The following SLC9C2 variants were observed in gnomAD, a reference collection of about 807,000 sequenced individuals.
SLC9C2 encodes sodium/hydrogen exchanger 11.
A neutral mutation model predicts 140.2 loss-of-function variants in SLC9C2; 75 were observed. The ratio of observed to expected loss-of-function variants is 0.53; its 90% CI spans 0.44 to 0.65. The LOEUF is 0.65. Among genes scored for constraint, SLC9C2 ranks in the 30% least tolerant of loss-of-function variants. The pLI, the probability that SLC9C2 is intolerant of heterozygous loss-of-function variation, is 0.00. For missense variants in SLC9C2, 1,074 were observed against 1,331.8 expected (o/e 0.81, Z 3.01); for synonymous variants, 375 against 420.9 (o/e 0.89, Z 1.34).
rs374687815 is a variant in SLC9C2, at chr1:173,524,625, G to A, written c.2514+154C>T. ...CAAATGGAGTGTACCGGATTGCATC[G>A]GCATTCGTTGTCCTTTGCATTATCA... On this transcript the variant is annotated intron_variant, in intron 20 of 27. Coordinates refer to ENST00000367714, the MANE Select transcript of SLC9C2 (RefSeq NM_178527.4). Among the ~76,000 whole-genome samples the A allele has an allele frequency of 2.8e-4, 42 of 152,208 alleles. No individual in the cohort carries two copies. The South Asian group carries it at 7.7e-3, about 28-fold the overall frequency.
chr1:173,550,709 T>C (rs975484430), intron 11 of SLC9C2, among the ~76,000 whole-genome samples: 17 of 151,458 alleles, frequency 1.1e-4, no homozygotes, highest in Middle Eastern at 3.5e-3. Context: ...AGTGTTGAGA[T>C]TACAGGCGTG....
intron 23 of SLC9C2, among the ~76,000 whole-genome samples, chr1:173,515,150 G>A (rs1042653041): frequency 3.3e-5 from 5 of 152,038 alleles, no homozygotes; most frequent in African/African-American, 7.2e-5. Flanking sequence ...TCTTCTCATG[G>A]AGTATCTTAG....
In SLC9C2 at chr1:173,509,698, G is replaced by T; in HGVS notation, c.2909C>A (p.Ala970Asp). 3 of 1,584,218 alleles carry T rather than the reference G, an allele frequency of 1.9e-6. No individual in the cohort carries two copies. Among genetic ancestry groups the T allele is most frequent in the Non-Finnish European group, 1.7e-6 (2 of 1,171,844 alleles). ...TAAATCCTCCAGGGAGATAAAGCAG[G>T]CCTGAAACAAAAAGGAACCAGGCCA... ...YTVICETSLQ[A>D]CFISLEDLYE... The change falls in exon 24 of 28, where the codon GCC (alanine) becomes GAC (aspartate). Residue 970 changes from alanine to aspartate, a missense_variant and splice_region_variant. Physicochemically the swap from Ala to Asp is moderately radical, Grantham distance 126. Transcript: ENST00000367714.
At chr1:173,515,521 G>T (rs1178739813) in intron 23 of SLC9C2, among the ~76,000 whole-genome samples, 1 of 152,144 alleles carries the variant, frequency 6.6e-6, no homozygotes, top group East Asian at 1.9e-4. Context: ...GGTCATCTAT[G>T]TTCCTTTCTA....
At chr1:173,588,190 A>G (rs905479136) in intron 4 of SLC9C2, among the ~76,000 whole-genome samples, 2 of 152,182 alleles carry the variant, frequency 1.3e-5, no homozygotes, top group Non-Finnish European at 2.9e-5. Context: ...TGTCTGGTAC[A>G]TGACACAAAT....
intron 8 of SLC9C2, among the ~76,000 whole-genome samples, chr1:173,574,757 G>A (rs763638621): frequency 3.3e-5 from 5 of 151,920 alleles, no homozygotes; most frequent in Admixed American, 6.6e-5. Flanking sequence ...TGATTCGCCC[G>A]TCTTGGCCTC....
At chr1:173,509,781 TTTAACCTTCAGAAAAAC>T in intron 23 of SLC9C2, 82 bp from the exon 24 acceptor site, 1 of 1,395,318 alleles carries the variant, frequency 7.2e-7, no homozygotes, top group Non-Finnish European at 9.7e-7. Context: ...TGCCTGCAGA[TTTAACCTTCAGAAAAAC>T]TATCAATTCT....
chr1:173,580,317 A>T (rs1488736074), intron 7 of SLC9C2, among the ~76,000 whole-genome samples: 1 of 152,112 alleles, frequency 6.6e-6, no homozygotes, highest in Non-Finnish European at 1.5e-5. Flanking sequence ...TATCTCATTA[A>T]TGCCTGCAAT....
intron 9 of SLC9C2, among the ~76,000 whole-genome samples, chr1:173,566,563 TTCTC>T (rs1664485755): frequency 1.3e-5 from 2 of 152,082 alleles, no homozygotes; most frequent in African/African-American, 4.8e-5. Context: ...TATTTGGATT[TTCTC>T]TCTTTTTCTC....
chr1:173,578,455 C>T (rs1186397260), intron 7 of SLC9C2, among the ~76,000 whole-genome samples: 1 of 152,214 alleles, frequency 6.6e-6, no homozygotes, highest in Non-Finnish European at 1.5e-5. Flanking sequence ...TCTGAGTTTG[C>T]TTTCAGGAAC....
intron 5 of SLC9C2, 32 bp from the exon 6 acceptor site, chr1:173,583,654 A>G: frequency 9.3e-7 from 1 of 1,070,510 alleles, no homozygotes; most frequent in Non-Finnish European, 1.4e-6. Flanking sequence ...GTAACTCAAT[A>G]TGCTACATGA....
In SLC9C2 at chr1:173,601,812, G is replaced by C; in HGVS notation, c.-36C>G. The C allele has an allele frequency of 1.2e-6, 2 of 1,611,630 alleles. No homozygotes were observed. The highest frequency in any genetic ancestry group is 8.5e-7 in the Non-Finnish European group (1 of 1,178,916). On this transcript the variant is annotated 5_prime_UTR_variant, in exon 2 of 28. Coordinates refer to ENST00000367714, the MANE Select transcript of SLC9C2 (RefSeq NM_178527.4). ...GCTTTTCCCCAGACCTAACTTGATG[G>C]AGTGGTTTGGTTATTATTGACACTT...
At chr1:173,572,524 C>T (rs540365597) in intron 9 of SLC9C2, among the ~76,000 whole-genome samples, 2 of 152,312 alleles carry the variant, frequency 1.3e-5, no homozygotes, top group South Asian at 4.1e-4. Flanking sequence ...TTATGGAAGA[C>T]ACAACTACCA....
At position 173,548,412 on chromosome 1, in the gene SLC9C2, T is replaced by C. The variant is rs772923628; in HGVS notation, c.1438A>G (p.Lys480Glu). 2 of 1,613,044 alleles carry C rather than the reference T, an allele frequency of 1.2e-6. No individual in the cohort carries two copies. Among genetic ancestry groups the C allele is most frequent in the East Asian group, 4.5e-5 (2 of 44,860 alleles). The change falls in exon 12 of 28, where the codon AAA becomes GAA. Residue 480 changes from lysine (K) to glutamate (E), a missense_variant. Transcript: ENST00000367714. ...ACAGGAATGTATTCGATCCTCGTTT[T>C]ATCTTCTACTAAGGTCCAGTTAACA... ...TNVNWTLVED[K>E]TRIEYIPFSH...
chr1:173,539,855 T>C (rs1662244757), intron 13 of SLC9C2, among the ~76,000 whole-genome samples: 1 of 152,106 alleles, frequency 6.6e-6, no homozygotes, highest in African/African-American at 2.4e-5. Context: ...TTCCATGGGA[T>C]TGTTGGTTTA....
At chr1:173,548,259 G>T in intron 12 of SLC9C2, 130 bp downstream of exon 12, 2 of 910,292 alleles carry the variant, frequency 2.2e-6, no homozygotes, top group Non-Finnish European at 3.3e-6. Flanking sequence ...AAATAGCAAA[G>T]CCAGTAACTA....
chr1:173,553,960 T>A (rs1307681290), intron 11 of SLC9C2, among the ~76,000 whole-genome samples: 1 of 152,136 alleles, frequency 6.6e-6, no homozygotes, highest in African/African-American at 2.4e-5. Flanking sequence ...TCACCCCAGT[T>A]TTCTCCTCTC....
intron 11 of SLC9C2, among the ~76,000 whole-genome samples, chr1:173,552,395 A>G (rs572785230): frequency 2.2e-4 from 34 of 152,254 alleles, no homozygotes; most frequent in Non-Finnish European, 5.0e-4. Flanking sequence ...ACAGCCTTAT[A>G]TTGGAATAGA....
rs1294008526 is a variant in SLC9C2, at chr1:173,529,926, A to G, written c.2292T>C (p.Ala764=). 1 of 1,611,074 alleles carries G rather than the reference A, an allele frequency of 6.2e-7. No homozygotes were observed. The highest frequency in any genetic ancestry group is 1.3e-5 in the African/African-American group (1 of 74,668). ...TCACCTGATATATTGATTCACAGAC[A>G]GCTATTTGTTTTATTAGAAGTTTGG... The part of the protein sequence containing the change: ...EDAKLLIKQI[A]VCESIYQKLC... Residue 764 remains alanine (A), a synonymous_variant, in exon 18 of 28, where the codon GCT becomes GCC. Transcript: ENST00000367714.
Sources: gnomAD v4.1 joint callset for allele counts (sites outside exome capture counted in the v4.1 genomes callset) on GRCh38, gnomAD v4.1.1 for gene constraint, MANE v1.5 for transcripts, NCBI Gene and HGNC (gene_info 2026-07-23, HGNC 2026-07-21) for gene names.